The following RALGAPA1 variants were observed in gnomAD, a reference collection of about 807,000 sequenced individuals.
RALGAPA1 encodes the protein ral GTPase-activating protein subunit alpha-1.
Under a neutral mutation model 269.6 loss-of-function variants are expected in RALGAPA1, and 52 were observed. The ratio of observed to expected loss-of-function variants is 0.19; its 90% confidence interval spans 0.15 to 0.24. The LOEUF is 0.24. Among genes scored for constraint, RALGAPA1 ranks in the 10% least tolerant of loss-of-function variants. RALGAPA1 has a pLI of 1.00. For synonymous variants in RALGAPA1, 817 were observed against 1,008.3 expected (o/e 0.81, Z 3.60); for missense variants, 1,917 against 3,013.9 (o/e 0.64, Z 8.52).
At chr14:35,764,681 A>C (rs1295280906) in intron 4 of RALGAPA1, among the ~76,000 whole-genome samples, 1 of 151,982 alleles carries the variant, frequency 6.6e-6, no homozygotes, top group Non-Finnish European at 1.5e-5. Context: ...GATAGCTGGG[A>C]CTAAAGGCAC....
At chr14:35,559,527 G>A (rs966082137) in intron 39 of RALGAPA1, among the ~76,000 whole-genome samples, 1 of 152,124 alleles carries the variant, frequency 6.6e-6, no homozygotes, top group African/African-American at 2.4e-5. Flanking sequence ...TCCAGCACAG[G>A]TGAGAAGTTG....
At chr14:35,740,595 T>C (rs2071454011) in intron 11 of RALGAPA1, among the ~76,000 whole-genome samples, 1 of 152,118 alleles carries the variant, frequency 6.6e-6, no homozygotes, top group African/African-American at 2.4e-5. Flanking sequence ...TCACTTGAGC[T>C]CAGGAGTTCA....
chr14:35,719,174 CAAAATTAG>C (rs2069142362), intron 16 of RALGAPA1, among the ~76,000 whole-genome samples: 1 of 151,940 alleles, frequency 6.6e-6, no homozygotes, highest in Non-Finnish European at 1.5e-5. Context: ...ACTAAAAATA[CAAAATTAG>C]CTGGGTGTGG....
At chr14:35,615,981 A>G (rs539463408) in intron 35 of RALGAPA1, among the ~76,000 whole-genome samples, 1 of 152,264 alleles carries the variant, frequency 6.6e-6, no homozygotes, top group African/African-American at 2.4e-5. Flanking sequence ...ATGAGATCCC[A>G]CAGAGTACTT....
chr14:35,709,112 T>C (rs1254638441), intron 16 of RALGAPA1, among the ~76,000 whole-genome samples: 1 of 152,064 alleles, frequency 6.6e-6, no homozygotes. Context: ...TGCAGATGGT[T>C]AATGGGTACA....
chr14:35,607,196 C>T (rs111304441), intron 35 of RALGAPA1, among the ~76,000 whole-genome samples: 186 of 152,322 alleles, frequency 1.2e-3, no homozygotes, highest in African/African-American at 4.0e-3. Context: ...TCAGTAACAA[C>T]ACAGAGCTTT....
At chr14:35,733,447 A>G (rs1362443215) in intron 12 of RALGAPA1, among the ~76,000 whole-genome samples, 3 of 152,200 alleles carry the variant, frequency 2.0e-5, no homozygotes, top group Non-Finnish European at 4.4e-5. Context: ...ACTGCACTCC[A>G]GCCTGGGCAA....
At chr14:35,731,594 G>A (rs2070481364) in intron 12 of RALGAPA1, among the ~76,000 whole-genome samples, 1 of 152,136 alleles carries the variant, frequency 6.6e-6, no homozygotes, top group Non-Finnish European at 1.5e-5. Context: ...AAAATGCTCT[G>A]GAAAGTCTCA....
Position 35,600,229 on chromosome 14 carries a change from TTTC to T in RALGAPA1, c.7054-4443_7054-4441del, listed in dbSNP as rs1454818643. Among the ~76,000 whole-genome samples the T allele has an allele frequency of 3.0e-3, 404 of 132,950 alleles. 3 individuals carry two copies. Among genetic ancestry groups the T allele is most frequent in the African/African-American group, 0.013 (376 of 29,968 alleles). The allele number at this position is 132,950 out of a possible 152,430, so 87.2% of individuals were successfully genotyped here. A position where few individuals can be genotyped will look rare whatever the true frequency, so the allele number is the denominator to read the frequency against. ...TTTTCCTTTTTTTTCTTTTTCTTTT[TTTC>T]TTTTTTTTTTTTTTTTTGAGACAGG... On this transcript the variant is annotated intron_variant, in intron 36 of 41. Coordinates refer to ENST00000680220, the MANE Select transcript of RALGAPA1 (RefSeq NM_001346249.2).
At chr14:35,727,425 G>A (rs544932604) in intron 13 of RALGAPA1, among the ~76,000 whole-genome samples, 1 of 148,956 alleles carries the variant, frequency 6.7e-6, no homozygotes, top group East Asian at 2.0e-4. Flanking sequence ...ACTATCTCTA[G>A]AGAGTGAACC....
intron 1 of RALGAPA1, among the ~76,000 whole-genome samples, chr14:35,795,860 G>A (rs905522488): frequency 2.0e-5 from 3 of 151,186 alleles, no homozygotes; most frequent in African/African-American, 7.3e-5. Context: ...GCATGCACCT[G>A]TAGTTCCCAG....
chr14:35,798,925 G>A (rs554074248), intron 1 of RALGAPA1, among the ~76,000 whole-genome samples: 1 of 152,012 alleles, frequency 6.6e-6, no homozygotes, highest in East Asian at 1.9e-4. Flanking sequence ...GAACCAAGGA[G>A]GTGGAAGTAG....
chr14:35,596,998 C>T (rs2058967765), intron 36 of RALGAPA1, among the ~76,000 whole-genome samples: 1 of 152,056 alleles, frequency 6.6e-6, no homozygotes, highest in African/African-American at 2.4e-5. Context: ...AAAGAGATTC[C>T]TCATTTTTGG....
intron 3 of RALGAPA1, among the ~76,000 whole-genome samples, chr14:35,774,625 A>T (rs1272721962): frequency 6.6e-6 from 1 of 152,172 alleles, no homozygotes; most frequent in African/African-American, 2.4e-5. Flanking sequence ...AGAAACAATA[A>T]ATCCCTTAGG....
chr14:35,678,082 C>T lies in RALGAPA1; in HGVS notation c.4492G>A (p.Val1498Ile). 1 of 1,605,592 alleles carries T rather than the reference C, an allele frequency of 6.2e-7. No individual in the cohort carries two copies. The highest frequency in any genetic ancestry group is 1.1e-5 in the South Asian group (1 of 89,068). Reference sequence around the variant, plus strand: ...GACCTGGAGCCCAGAGGTGAGTGGACTGGGGAAGCACTTTCTGAACCTGTA... The same window carrying T: ...GACCTGGAGCCCAGAGGTGAGTGGATTGGGGAAGCACTTTCTGAACCTGTA... Reference protein sequence around the residue: ...TITGSESASPVHSPLGSRSQT... With the variant: ...TITGSESASPIHSPLGSRSQT... The change falls in exon 22 of 42, where the codon GTC becomes ATC. Residue 1498 changes from valine (V) to isoleucine (I), a missense_variant. By Grantham distance (29) the Val-to-Ile change is conservative (BLOSUM62 3). Transcript: ENST00000680220.
At chr14:35,624,630 G>C (rs1191523996) in intron 35 of RALGAPA1, among the ~76,000 whole-genome samples, 1 of 152,096 alleles carries the variant, frequency 6.6e-6, no homozygotes, top group Non-Finnish European at 1.5e-5. Context: ...CTGAAGGTGA[G>C]CAAGAAACGA....
rs572486487 is a variant in RALGAPA1 at position 35,644,101 on chromosome 14, C to T, written c.5676+7704G>A. On this transcript the variant is annotated intron_variant, in intron 31 of 41. Transcript: ENST00000680220. ...TTGAGGGGAAGGATACCCCATTTAT[C>T]CTGACATATTATGCACTGTATGTCT... Among the ~76,000 whole-genome samples the T allele has an allele frequency of 2.6e-5, 4 of 152,280 alleles. No homozygotes were observed. In the South Asian group the frequency reaches 8.3e-4, roughly 32 times the overall value.
intron 1 of RALGAPA1, among the ~76,000 whole-genome samples, chr14:35,787,222 G>A (rs1180426159): frequency 4.6e-5 from 7 of 152,184 alleles, no homozygotes; most frequent in Admixed American, 2.6e-4. Context: ...GTGAAGATCA[G>A]ATAGAGATCA....
chr14:35,748,963 T>TA, intron 9 of RALGAPA1, 139 bp from the exon 10 acceptor site: 1 of 1,329,954 alleles, frequency 7.5e-7, no homozygotes, highest in South Asian at 1.8e-5. Context: ...ACTCCGGGCA[T>TA]AGAGTTTCAT....
Sources: allele counts gnomAD v4.1 joint callset (sites outside exome capture counted in the v4.1 genomes callset), GRCh38; gene constraint gnomAD v4.1.1; transcripts MANE v1.5; gene names NCBI Gene and HGNC (gene_info 2026-07-23, HGNC 2026-07-21).